Variants in NYAP2 observed in about 807,000 individuals in gnomAD.
NYAP2 encodes the protein neuronal tyrosine-phosphorylated phosphoinositide-3-kinase adapter 2.
A neutral mutation model predicts 50.4 loss-of-function variants in NYAP2; 23 were observed. The ratio of observed to expected loss-of-function variants is 0.46; its 90% confidence interval spans 0.33 to 0.65. The LOEUF (loss-of-function observed/expected upper bound fraction) is 0.65, where lower values mean the gene tolerates loss of function less well. NYAP2 is among the 30% of genes least tolerant of loss of function. NYAP2 has a pLI of 0.02. For missense variants in NYAP2, 885 were observed against 861.0 expected, an observed-to-expected ratio of 1.03 and a Z score of -0.35; for synonymous variants, 394 against 365.2, an observed-to-expected ratio of 1.08 and a Z score of -0.90.
At chr2:225,689,933 A>C in the NYAP2 span, among the ~76,000 whole-genome samples, 1 of 152,164 alleles carries the variant, frequency 6.6e-6, no homozygotes, top group African/African-American at 2.4e-5. Flanking sequence ...ATGTCATCAA[A>C]GTGAGATTGA....
chr2:225,532,057 G>C (rs1691264061), intron 4 of NYAP2, among the ~76,000 whole-genome samples: 1 of 152,168 alleles, frequency 6.6e-6, no homozygotes, highest in Non-Finnish European at 1.5e-5. Flanking sequence ...ATGCAACAGA[G>C]AGCTGAGATT....
chr2:225,518,413 AAAACATCTACGG>A (rs1163483603), intron 4 of NYAP2, among the ~76,000 whole-genome samples: 1 of 150,468 alleles, frequency 6.6e-6, no homozygotes, highest in African/African-American at 2.4e-5. Flanking sequence ...GAATAAATTC[AAAACATCTACGG>A]TACATCATGG....
At chr2:225,604,284 G>T (rs895789031) in intron 5 of NYAP2, among the ~76,000 whole-genome samples, 3 of 152,270 alleles carry the variant, frequency 2.0e-5, no homozygotes, top group Middle Eastern at 6.8e-3. Context: ...ATTCCCAAAA[G>T]AAGAAGTTTT....
At chr2:225,436,068 T>A (rs1267624355) in intron 3 of NYAP2, among the ~76,000 whole-genome samples, 1 of 152,202 alleles carries the variant, frequency 6.6e-6, no homozygotes, top group African/African-American at 2.4e-5. Context: ...TTTGCAGTTG[T>A]GTTGTGGACT....
At chr2:225,591,751 C>A (rs1692509359) in intron 5 of NYAP2, among the ~76,000 whole-genome samples, 1 of 152,154 alleles carries the variant, frequency 6.6e-6, no homozygotes. Context: ...GATACCTTAT[C>A]TATACTTGAT....
intron 6 of NYAP2, among the ~76,000 whole-genome samples, chr2:225,633,439 T>G (rs1693355515): frequency 6.6e-6 from 1 of 152,208 alleles, no homozygotes; most frequent in South Asian, 2.1e-4. Context: ...CAGGTATCAT[T>G]AGCAAGTGAA....
At position 225,582,014 on chromosome 2, in the gene NYAP2, G is replaced by C; in HGVS notation, c.597G>C (p.Pro199=). Residue 199 remains proline (P), a synonymous_variant, in exon 5 of 7, where the codon CCG becomes CCC. Coordinates refer to ENST00000636099, the Ensembl canonical transcript of NYAP2. The surrounding 1 kb of genome is among the most constrained non-coding windows in gnomAD (Gnocchi z 7.0). ...CTCCTCCCAAACCGAAGCGAAATCC[G>C]AACACTCAGCTGAGCACATCTTTCG... 1 of 1,613,648 alleles carries C rather than the reference G, an allele frequency of 6.2e-7. No individual in the cohort carries two copies. The highest frequency in any genetic ancestry group is 8.5e-7 in the Non-Finnish European group (1 of 1,179,642).
At chr2:225,703,651 A>C in the NYAP2 span, 1 of 151,876 alleles carries the variant, frequency 6.6e-6, no homozygotes, top group African/African-American at 2.4e-5. Flanking sequence ...AATAGTTTAA[A>C]TTAGTTGACT....
intron 5 of NYAP2, among the ~76,000 whole-genome samples, chr2:225,614,262 G>A (rs1023670943): frequency 6.6e-6 from 1 of 152,110 alleles, no homozygotes; most frequent in Non-Finnish European, 1.5e-5. Context: ...AATTATGAAT[G>A]TTAAGAACAG....
chr2:225,579,260 T>A (rs1223878791), intron 4 of NYAP2, among the ~76,000 whole-genome samples: 1 of 152,170 alleles, frequency 6.6e-6, no homozygotes, highest in African/African-American at 2.4e-5. Context: ...ATGAATTTTT[T>A]TGTGGAAGAA....
the NYAP2 span, among the ~76,000 whole-genome samples, chr2:225,669,754 G>A: frequency 3.9e-5 from 6 of 152,286 alleles, no homozygotes; most frequent in Non-Finnish European, 1.5e-5. Context: ...ATTCAGTTCA[G>A]TAGTAGAAAA....
chr2:225,478,735 A>C (rs1690159753), intron 3 of NYAP2, among the ~76,000 whole-genome samples: 1 of 152,254 alleles, frequency 6.6e-6, no homozygotes, highest in Admixed American at 6.5e-5. Context: ...TAGGTTCAGG[A>C]ACATGAGATT....
chr2:225,681,906 G>C, the NYAP2 span, among the ~76,000 whole-genome samples: 1 of 152,290 alleles, frequency 6.6e-6, no homozygotes, highest in African/African-American at 2.4e-5. Context: ...AGTATGAGGA[G>C]TAAATAGGTT....
chr2:225,626,767 G>A, intron 5 of NYAP2, 150 bp from the exon 6 acceptor site: 1 of 641,412 alleles, frequency 1.6e-6, no homozygotes, highest in Non-Finnish European at 2.8e-6. Context: ...TGGAGTCTAT[G>A]TTTCTGTTAT....
chr2:225,656,706 T>G (rs1439332102), downstream of NYAP2, among the ~76,000 whole-genome samples: 1 of 151,982 alleles, frequency 6.6e-6, no homozygotes, highest in East Asian at 1.9e-4. Context: ...CAACCCAAAA[T>G]AGGGATGTGG....
intron 3 of NYAP2, among the ~76,000 whole-genome samples, chr2:225,447,168 C>T (rs1267068706): frequency 6.6e-6 from 1 of 152,160 alleles, no homozygotes; most frequent in Non-Finnish European, 1.5e-5. Flanking sequence ...GACTGTGGTC[C>T]AGCCTTGCAT....
At chr2:225,408,097 T>A (rs917212140) in intron 2 of NYAP2, among the ~76,000 whole-genome samples, 1 of 151,962 alleles carries the variant, frequency 6.6e-6, no homozygotes, top group Admixed American at 6.6e-5. Flanking sequence ...GCTTTTTTGT[T>A]TTGTTTTGAT....
At chr2:225,692,734 G>A in the NYAP2 span, among the ~76,000 whole-genome samples, 1 of 151,864 alleles carries the variant, frequency 6.6e-6, no homozygotes, top group South Asian at 2.1e-4. Flanking sequence ...ACTTTTCAAT[G>A]TCACACAATG....
chr2:225,491,177 G>A (rs1037991805), intron 3 of NYAP2, among the ~76,000 whole-genome samples: 1 of 152,136 alleles, frequency 6.6e-6, no homozygotes, highest in Non-Finnish European at 1.5e-5. Context: ...CTACAGAAGG[G>A]GAATTGCCTA....
Sources: allele counts gnomAD v4.1 joint callset (sites outside exome capture counted in the v4.1 genomes callset), GRCh38; gene constraint gnomAD v4.1.1; non-coding constraint Gnocchi (gnomAD v3.1); transcripts MANE v1.5; gene names NCBI Gene and HGNC (gene_info 2026-07-23, HGNC 2026-07-21).